SMARCAL1: variants seen among roughly 807,000 people sequenced by gnomAD.
SMARCAL1 encodes SNF2 related chromatin remodeling annealing helicase 1.
In SMARCAL1, 58 loss-of-function variants were observed where a neutral mutation model predicts 94.5. The ratio of observed to expected loss-of-function variants is 0.61; its 90% CI spans 0.50 to 0.76. SMARCAL1 has a LOEUF of 0.76. Among genes scored for constraint, SMARCAL1 ranks in the 30% least tolerant of loss-of-function variants. The probability of loss-of-function intolerance (pLI) is 0.00; values close to 1 mark genes in which losing one functional copy is unlikely to be tolerated. For synonymous variants in SMARCAL1, 422 were observed against 455.1 expected (o/e 0.93, Z 0.93); for missense variants, 1,051 against 1,177.9 (o/e 0.89, Z 1.58).
chr2:216,472,965 A>C (rs1002377771), intron 14 of SMARCAL1, among the ~76,000 whole-genome samples: 1 of 152,218 alleles, frequency 6.6e-6, no homozygotes, highest in Non-Finnish European at 1.5e-5. Flanking sequence ...TTTGTAGTCC[A>C]ATCTAAGAAA....
At chr2:216,441,210 A>G (rs1269755614) in intron 10 of SMARCAL1, among the ~76,000 whole-genome samples, 5 of 152,172 alleles carry the variant, frequency 3.3e-5, no homozygotes, top group Non-Finnish European at 7.3e-5. Context: ...GCAGGGCCAG[A>G]TCGTGTCCAG....
intron 6 of SMARCAL1, 40 bp from the exon 7 acceptor site, chr2:216,428,556 A>G (rs374806988): frequency 5.0e-6 from 8 of 1,601,378 alleles, no homozygotes; most frequent in African/African-American, 1.3e-5. Context: ...TCTTTTGGGC[A>G]TGAACACTCC....
Position 216,450,872 on chromosome 2 carries a change from T to C in SMARCAL1, c.1878T>C (p.Gly626=), listed in dbSNP as rs1694435194. ...TGCCTTGGGGGTGGGACTACTCAGGTTCCTCCAACCTGGGAGAGCTGAAGC... is the reference window on the plus strand; with the variant it reads ...TGCCTTGGGGGTGGGACTACTCAGGCTCCTCCAACCTGGGAGAGCTGAAGC... ...KRMPWGWDYS[G]SSNLGELKLL... is the part of the protein sequence containing the mutation. Residue 626 remains glycine (G), a synonymous_variant, in exon 12 of 18, where the codon GGT becomes GGC. Transcript: ENST00000357276. The C allele has an allele frequency of 6.2e-7, 1 of 1,613,938 alleles. No individual in the cohort carries two copies. Among genetic ancestry groups the C allele is most frequent in the Admixed American group, 1.7e-5 (1 of 59,992 alleles).
chr2:216,468,825 A>T (rs569741316), intron 14 of SMARCAL1, among the ~76,000 whole-genome samples: 1 of 152,198 alleles, frequency 6.6e-6, no homozygotes, highest in South Asian at 2.1e-4. Context: ...GGTTCAAGTG[A>T]TTCTCGTGCC....
chr2:216,430,621 A>G (rs1428845480), intron 7 of SMARCAL1, among the ~76,000 whole-genome samples: 2 of 151,996 alleles, frequency 1.3e-5, no homozygotes, highest in Admixed American at 6.6e-5. Flanking sequence ...TTTTTTGGCC[A>G]CTTTGTTCCT....
intron 12 of SMARCAL1, among the ~76,000 whole-genome samples, chr2:216,457,825 T>C (rs1694605831): frequency 6.6e-6 from 1 of 151,672 alleles, no homozygotes; most frequent in Admixed American, 6.6e-5. Flanking sequence ...AGGCAAGAAA[T>C]AACTAAGATC....
chr2:216,472,081 G>A (rs908597166), intron 14 of SMARCAL1, among the ~76,000 whole-genome samples: 4 of 152,104 alleles, frequency 2.6e-5, no homozygotes, highest in Non-Finnish European at 5.9e-5. Context: ...TTGTCCAGGC[G>A]CAGTGGCTCA....
chr2:216,455,223 C>T (rs1027924662), intron 12 of SMARCAL1, among the ~76,000 whole-genome samples: 3 of 152,222 alleles, frequency 2.0e-5, no homozygotes, highest in African/African-American at 7.2e-5. Context: ...TGGGTGGAGC[C>T]CACCGCAGCT....
At chr2:216,416,515 A>G (rs1421963551) in intron 4 of SMARCAL1, among the ~76,000 whole-genome samples, 1 of 152,222 alleles carries the variant, frequency 6.6e-6, no homozygotes, top group East Asian at 1.9e-4. Flanking sequence ...AAAAGCTAGC[A>G]TTAAATGATG....
chr2:216,468,264 C>T (rs1694877718), intron 14 of SMARCAL1, among the ~76,000 whole-genome samples: 1 of 152,158 alleles, frequency 6.6e-6, no homozygotes, highest in Non-Finnish European at 1.5e-5. Flanking sequence ...AATAGATATC[C>T]CAGGAGTCTT....
chr2:216,458,728 A>C (rs1382103290), intron 12 of SMARCAL1, among the ~76,000 whole-genome samples: 1 of 152,230 alleles, frequency 6.6e-6, no homozygotes, highest in Non-Finnish European at 1.5e-5. Flanking sequence ...CCAATATCAT[A>C]CTGAATTGGC....
chr2:216,413,681 G>A (rs1693517667), intron 1 of SMARCAL1, among the ~76,000 whole-genome samples, 175 bp from the exon 2 acceptor site: 1 of 151,860 alleles, frequency 6.6e-6, no homozygotes, highest in East Asian at 1.9e-4. Flanking sequence ...TTTCCCAGGA[G>A]AGTCAGTCAG....
In SMARCAL1 at chr2:216,482,989, A is replaced by G; in HGVS notation, c.*12A>G. The G allele has an allele frequency of 6.2e-7, 1 of 1,611,546 alleles. No homozygotes were observed. Among genetic ancestry groups the G allele is most frequent in the Non-Finnish European group, 8.5e-7 (1 of 1,179,472 alleles). On this transcript the variant is annotated 3_prime_UTR_variant, in exon 18 of 18. Transcript: ENST00000357276. The surrounding 1 kb of genome is among the most constrained non-coding windows in gnomAD (Gnocchi z 4.3). Reference sequence around the variant, plus strand: ...CGTCTCCCCTGTAAAAGGGGCAAAAAGAAAAAAATAAAAAGCATTTTAAAA... The same window carrying G: ...CGTCTCCCCTGTAAAAGGGGCAAAAGGAAAAAAATAAAAAGCATTTTAAAA...
intron 7 of SMARCAL1, among the ~76,000 whole-genome samples, chr2:216,430,946 T>C (rs988470186): frequency 6.6e-6 from 1 of 152,042 alleles, no homozygotes; most frequent in Non-Finnish European, 1.5e-5. Context: ...TTCATAGAGG[T>C]GGGTGTACAG....
At chr2:216,430,085 G>T (rs1397032620) in intron 7 of SMARCAL1, among the ~76,000 whole-genome samples, 2 of 152,180 alleles carry the variant, frequency 1.3e-5, no homozygotes, top group East Asian at 1.9e-4. Context: ...CACGTGTTGG[G>T]TGCTGGTTTT....
At chr2:216,450,683 C>T (rs1409847542) in intron 11 of SMARCAL1, among the ~76,000 whole-genome samples, 163 bp from the exon 12 acceptor site, 2 of 152,102 alleles carry the variant, frequency 1.3e-5, no homozygotes, top group African/African-American at 2.4e-5. Context: ...TTCCATTTCT[C>T]ATTTGTTTTA....
At chr2:216,421,905 G>A (rs577516082) in intron 5 of SMARCAL1, among the ~76,000 whole-genome samples, 12 of 152,218 alleles carry the variant, frequency 7.9e-5, no homozygotes, top group Non-Finnish European at 4.4e-5. Flanking sequence ...GGAGGCTGAT[G>A]CTGGTTGCTA....
Position 216,475,493 on chromosome 2 carries a change from A to C in SMARCAL1, c.2427+42A>C. 3.7e-5 allele frequency: 59 copies of C among 1,600,992 alleles called. No individual in the cohort carries two copies. Among genetic ancestry groups the C allele is most frequent in the Non-Finnish European group, 4.7e-5 (55 of 1,168,032 alleles). ...ACTCAGATACTCCCCAGGCATGCTC[A>C]TGGCTGTGGGCAGGAAGCAGTGAGT... On this transcript the variant is annotated intron_variant, in intron 15 of 17. Transcript: ENST00000357276. This position sits in a 1 kb window ranked among gnomAD's most constrained non-coding sequence, Gnocchi z 4.4.
chr2:216,418,619 G>A (rs1693653470), intron 4 of SMARCAL1, among the ~76,000 whole-genome samples: 1 of 152,156 alleles, frequency 6.6e-6, no homozygotes, highest in Non-Finnish European at 1.5e-5. Context: ...CATACTCACT[G>A]TAGAACATAT....
Sources: gnomAD v4.1 joint callset for allele counts (sites outside exome capture counted in the v4.1 genomes callset) on GRCh38, gnomAD v4.1.1 for gene constraint, Gnocchi (gnomAD v3.1) non-coding constraint, MANE v1.5 for transcripts, NCBI Gene and HGNC (gene_info 2026-07-23, HGNC 2026-07-21) for gene names.